Variants in KIF23 observed in about 807,000 individuals in gnomAD.
KIF23 encodes the protein kinesin family member 23, also known as kinesin-like protein KIF23.
A neutral mutation model predicts 137.5 loss-of-function variants in KIF23; 30 were observed. The ratio of observed to expected loss-of-function variants is 0.22; its 90% confidence interval spans 0.16 to 0.30. The LOEUF is 0.30. Among genes scored for constraint, KIF23 ranks in the 10% least tolerant of loss-of-function variants. The pLI is 1.00. For synonymous variants in KIF23, 367 were observed against 391.1 expected, an observed-to-expected ratio of 0.94 and a Z score of 0.73; for missense variants, 920 against 1,194.3, an observed-to-expected ratio of 0.77 and a Z score of 3.38.
At chr15:69,447,525 A>C (rs560822224) in intron 23 of KIF23, among the ~76,000 whole-genome samples, 68 of 152,312 alleles carry the variant, frequency 4.5e-4, no homozygotes, top group African/African-American at 1.6e-3. Context: ...ATATGTATAT[A>C]AAATGTTATA....
At chr15:69,424,709 G>A (rs952037717) in intron 7 of KIF23, among the ~76,000 whole-genome samples, 1 of 151,958 alleles carries the variant, frequency 6.6e-6, no homozygotes, top group African/African-American at 2.4e-5. Flanking sequence ...GGTCTCACTA[G>A]GTTGCCCAGG....
In KIF23 at chr15:69,445,170, C is replaced by T. The variant is rs967020398; in HGVS notation, c.2673+129C>T. On this transcript the variant is annotated intron_variant, in intron 20 of 23. Coordinates refer to ENST00000679126, the MANE Select transcript of KIF23 (RefSeq NM_001367805.3). ...AACATCAGTAGGTATTTGATATAACCTTTTTGTTAGCAGAAAATTAGTCAC... is the reference window on the plus strand; with the variant it reads ...AACATCAGTAGGTATTTGATATAACTTTTTTGTTAGCAGAAAATTAGTCAC... 3.3e-5 allele frequency: 31 copies of T among 930,876 alleles called. No individual in the cohort carries two copies. In the African/African-American group the frequency reaches 5.0e-4, roughly 15 times the overall value. The allele number at this position is 930,876 out of a possible 1,614,324, so 57.7% of individuals were successfully genotyped here.
intron 1 of KIF23, among the ~76,000 whole-genome samples, chr15:69,415,349 C>T (rs1230086401): frequency 6.6e-6 from 1 of 152,174 alleles, no homozygotes; most frequent in Non-Finnish European, 1.5e-5. Flanking sequence ...TTTTAAACTA[C>T]AGTCGAAGCC....
chr15:69,434,125 A>G (rs972391877), intron 11 of KIF23, among the ~76,000 whole-genome samples: 9 of 152,350 alleles, frequency 5.9e-5, no homozygotes, highest in Admixed American at 5.9e-4. Context: ...CATAACTTTC[A>G]GTTTTCCCTG....
chr15:69,425,431 G>C (rs550361570), intron 8 of KIF23, 108 bp downstream of exon 8: 12 of 963,556 alleles, frequency 1.2e-5, no homozygotes, highest in African/African-American at 3.2e-5. Context: ...TCACTGGGCT[G>C]GCTGCTGTCT....
intron 7 of KIF23, among the ~76,000 whole-genome samples, chr15:69,424,273 G>A (rs536375744): frequency 6.6e-6 from 1 of 152,142 alleles, no homozygotes; most frequent in Admixed American, 6.5e-5. Flanking sequence ...TTTTCATCAC[G>A]TTTATTGGGA....
At chr15:69,447,527 A>C (rs532716363) in intron 23 of KIF23, among the ~76,000 whole-genome samples, 68 of 152,292 alleles carry the variant, frequency 4.5e-4, no homozygotes, top group African/African-American at 1.6e-3. Context: ...ATGTATATAA[A>C]ATGTTATATG....
rs528539859 is a variant in KIF23 at position 69,445,690 on chromosome 15, G to A, written c.2674-319G>A. 5.0e-4 allele frequency among the ~76,000 whole-genome samples: 76 copies of A among 152,296 alleles called. 1 individual carries two copies. Among genetic ancestry groups the A allele is most frequent in the African/African-American group, 1.6e-3 (68 of 41,562 alleles). The stretch of plus-strand genomic sequence containing the variant: ...AGAAGAAAGTACCATGCCTTAGAGC[G>A]TGTAGAAACTTCCAGCAAATTTCTT... On this transcript the variant is annotated intron_variant, in intron 20 of 23. Coordinates refer to ENST00000679126, the MANE Select transcript of KIF23 (RefSeq NM_001367805.3).
chr15:69,427,625 C>T (rs2057234003), intron 10 of KIF23: 1 of 352,902 alleles, frequency 2.8e-6, no homozygotes, highest in Non-Finnish European at 5.6e-6. Flanking sequence ...TAGGGTCCCC[C>T]ATATGCAGAT....
At chr15:69,423,968 T>C (rs2057126393) in intron 7 of KIF23, among the ~76,000 whole-genome samples, 1 of 152,182 alleles carries the variant, frequency 6.6e-6, no homozygotes, top group East Asian at 1.9e-4. Flanking sequence ...CCTGAGTTGA[T>C]GGTTTTGTTT....
In KIF23 at chr15:69,440,394, T is replaced by C. The variant is rs199910548; in HGVS notation, c.2016T>C (p.Val672=). 3.7e-6 allele frequency: 6 copies of C among 1,614,034 alleles called. No homozygotes were observed. Among genetic ancestry groups the C allele is most frequent in the Admixed American group, 1.7e-5 (1 of 60,006 alleles). ...AGCTGAAACAACTGAAGGCTATTGT[T>C]ACCGAACCTAAAACTGAGAAGCCAG... ...DEKLKQLKAI[V]TEPKTEKPER... is the part of the protein sequence containing the mutation. The change falls in exon 18 of 24, where the codon GTT becomes GTC. Residue 672 remains valine, a synonymous_variant. Coordinates refer to ENST00000679126, the MANE Select transcript of KIF23 (RefSeq NM_001367805.3).
intron 11 of KIF23, among the ~76,000 whole-genome samples, chr15:69,430,893 T>C (rs2057340750): frequency 6.6e-6 from 1 of 152,210 alleles, no homozygotes; most frequent in Admixed American, 6.5e-5. Context: ...GTTAATTTTC[T>C]CAAGGCTGGA....
intron 2 of KIF23, among the ~76,000 whole-genome samples, 184 bp from the exon 3 acceptor site, chr15:69,417,199 C>G (rs2140310326): frequency 6.6e-6 from 1 of 152,194 alleles, no homozygotes; most frequent in African/African-American, 2.4e-5. Flanking sequence ...ATTCTCATAT[C>G]TAATACATAC....
At chr15:69,421,945 G>A in intron 4 of KIF23, 47 bp from the exon 5 acceptor site, 1 of 1,597,850 alleles carries the variant, frequency 6.3e-7, no homozygotes, top group Non-Finnish European at 8.5e-7. Context: ...AATACTCTAA[G>A]TGGAGAACTT....
chr15:69,414,571 G>C, intron 1 of KIF23, 95 bp downstream of exon 1: 1 of 1,236,976 alleles, frequency 8.1e-7, no homozygotes, highest in Non-Finnish European at 1.0e-6. Flanking sequence ...GCGGCCGTAC[G>C]CGGGCAGCGC....
intron 8 of KIF23, 141 bp from the exon 9 acceptor site, chr15:69,425,929 G>A (rs1461055062): frequency 5.0e-6 from 1 of 201,182 alleles, no homozygotes; most frequent in Non-Finnish European, 9.6e-6. Flanking sequence ...AGTATTATAC[G>A]TTATATATAT....
chr15:69,445,072 A>G (rs1412941629), intron 20 of KIF23, 31 bp downstream of exon 20: 1 of 1,578,190 alleles, frequency 6.3e-7, no homozygotes, highest in Non-Finnish European at 8.6e-7. Flanking sequence ...GGAGAAAAAA[A>G]TATATTTAAA....
At position 69,416,050 on chromosome 15, in the gene KIF23, A is replaced by G; in HGVS notation, c.68A>G (p.Lys23Arg). ...TVKKGSQTNL[K>R]DPVGVYCRVR... ...AAAAAAGGGTCCCAAACGAACCTTA[A>G]AGACCCAGTTGGGGTAAGGTATCCC... Residue 23 changes from lysine to arginine, a missense_variant, in exon 2 of 24, where the codon AAA (lysine) becomes AGA (arginine). This residue lies in a region of KIF23 where 124 missense variants were observed against 122.0 expected (regional missense o/e 1.02). Transcript: ENST00000679126. 1 of 1,575,210 alleles carries G rather than the reference A, an allele frequency of 6.3e-7. No homozygotes were observed. Among genetic ancestry groups the G allele is most frequent in the Non-Finnish European group, 8.6e-7 (1 of 1,168,430 alleles).
At chr15:69,425,434 T>G (rs2057165751) in intron 8 of KIF23, 111 bp downstream of exon 8, 1 of 943,068 alleles carries the variant, frequency 1.1e-6, no homozygotes, top group Non-Finnish European at 1.6e-6. Context: ...CTGGGCTGGC[T>G]GCTGTCTCTA....
Sources: gnomAD v4.1 joint callset for allele counts (sites outside exome capture counted in the v4.1 genomes callset) on GRCh38, gnomAD v4.1.1 for gene constraint, gnomAD v4.1.1 regional missense constraint, MANE v1.5 for transcripts, NCBI Gene and HGNC (gene_info 2026-07-23, HGNC 2026-07-21) for gene names.